EVL: variants seen among roughly 807,000 people sequenced by gnomAD.
EVL encodes the protein ena/VASP-like protein.
Under a neutral mutation model 59.6 loss-of-function variants are expected in EVL, and 21 were observed. The observed-to-expected ratio is 0.35, with a 90% CI of 0.25 to 0.51. EVL has a LOEUF of 0.51. Among genes scored for constraint, EVL ranks in the 20% least tolerant of loss-of-function variants. The pLI is 0.97. For missense variants in EVL, 462 were observed against 546.6 expected, an observed-to-expected ratio of 0.85 and a Z score of 1.54; for synonymous variants, 198 against 203.5, an observed-to-expected ratio of 0.97 and a Z score of 0.23.
Position 100,109,286 on chromosome 14 carries a change from C to G in EVL, c.358+11628C>G, listed in dbSNP as rs1456962948. On this transcript the variant is annotated intron_variant, in intron 3 of 13. Transcript: ENST00000392920. The surrounding 1 kb of genome is among the most constrained non-coding windows in gnomAD (Gnocchi z 4.3). ...AAGGGGCCCCGCCCCTGCCCTCATG[C>G]ATGTTCTCTCCATACTCCTGGTCAC... is the stretch of plus-strand genomic sequence containing the variant. 2 of 337,966 alleles carry G rather than the reference C, an allele frequency of 5.9e-6. No homozygotes were observed. The highest frequency in any genetic ancestry group is 1.6e-4 in the East Asian group (2 of 12,312). 20.9% of individuals were successfully genotyped at this position (337,966 alleles called of 1,614,324 possible).
At chr14:100,105,758 A>G (rs1886524735) in intron 3 of EVL, among the ~76,000 whole-genome samples, 1 of 152,034 alleles carries the variant, frequency 6.6e-6, no homozygotes, top group African/African-American at 2.4e-5. Context: ...TTTGAGACAG[A>G]CAGCCTAGCA....
intron 1 of EVL, among the ~76,000 whole-genome samples, chr14:99,988,443 T>A (rs934961130): frequency 6.6e-6 from 1 of 152,234 alleles, no homozygotes; most frequent in Non-Finnish European, 1.5e-5. Context: ...ACATTGGGAA[T>A]GTGGATAAAC....
intron 1 of EVL, among the ~76,000 whole-genome samples, chr14:100,007,782 A>G (rs930374145): frequency 6.6e-6 from 1 of 152,180 alleles, no homozygotes; most frequent in Admixed American, 6.5e-5. Flanking sequence ...GAGGAGAGAG[A>G]GAGAGAGAGA....
At chr14:100,120,439 T>C (rs1200203823) in intron 3 of EVL, among the ~76,000 whole-genome samples, 1 of 152,128 alleles carries the variant, frequency 6.6e-6, no homozygotes, top group Non-Finnish European at 1.5e-5. Context: ...GCTCCCAAAT[T>C]ACTGGAATAT....
intron 1 of EVL, among the ~76,000 whole-genome samples, chr14:100,010,771 A>G (rs1349743528): frequency 6.6e-6 from 1 of 152,186 alleles, no homozygotes; most frequent in Non-Finnish European, 1.5e-5. Context: ...TATTGGAAAG[A>G]AAAGGGTGAC....
chr14:100,087,563 G>A (rs533417764), intron 2 of EVL, among the ~76,000 whole-genome samples: 9 of 152,320 alleles, frequency 5.9e-5, no homozygotes, highest in East Asian at 1.9e-4. Flanking sequence ...TCAGTAAGCC[G>A]TGGTCGCGCC....
rs2140244576 is a variant in EVL at position 100,049,014 on chromosome 14, G to A, written c.6-35673G>A. On this transcript the variant is annotated intron_variant, in intron 1 of 13. Transcript: ENST00000402714. ...ACTCTTCTGCCTTCTGATTGTGGTG[G>A]TGGTTACACCACCAATCTATGTAGG... Among the ~76,000 whole-genome samples, 4 of 152,244 alleles carry A rather than the reference G, an allele frequency of 2.6e-5. No individual in the cohort carries two copies. In the South Asian group the frequency reaches 8.3e-4, roughly 32 times the overall value.
At chr14:99,989,636 C>T (rs916329719) in intron 1 of EVL, among the ~76,000 whole-genome samples, 1 of 152,134 alleles carries the variant, frequency 6.6e-6, no homozygotes, top group African/African-American at 2.4e-5. Flanking sequence ...TAATATTCGT[C>T]CTGATTGTAG....
intron 1 of EVL, among the ~76,000 whole-genome samples, chr14:99,974,147 A>G (rs558997549): frequency 1.3e-5 from 2 of 152,326 alleles, no homozygotes; most frequent in South Asian, 2.1e-4. Flanking sequence ...TTTAAAGCCT[A>G]TGGTTTAGTG....
intron 1 of EVL, among the ~76,000 whole-genome samples, chr14:100,028,819 C>T (rs899363079): frequency 1.3e-5 from 2 of 152,120 alleles, no homozygotes; most frequent in Non-Finnish European, 2.9e-5. Context: ...CAAAAAAAAT[C>T]TATTCTTCAT....
chr14:100,065,941 T>C (rs1002468584), intron 1 of EVL, among the ~76,000 whole-genome samples: 3 of 152,178 alleles, frequency 2.0e-5, no homozygotes, highest in African/African-American at 7.2e-5. Context: ...CTTTTTATGA[T>C]AGGAACTTCA....
At chr14:100,078,572 A>AG (rs2062217903) in intron 1 of EVL, among the ~76,000 whole-genome samples, 1 of 27,450 alleles carries the variant, frequency 3.6e-5, no homozygotes, top group Non-Finnish European at 7.4e-5. Context: ...GAGTGACGGC[A>AG]GGGTGGGGGT....
intron 1 of EVL, among the ~76,000 whole-genome samples, chr14:99,975,686 A>G (rs989236539): frequency 1.3e-5 from 2 of 152,126 alleles, no homozygotes; most frequent in Admixed American, 6.6e-5. Flanking sequence ...ATGAGAATCT[A>G]ATACTTCAGC....
intron 1 of EVL, among the ~76,000 whole-genome samples, chr14:99,980,761 T>TGCCTATTACCTATGCCTA (rs2060800922): frequency 6.6e-6 from 1 of 152,228 alleles, no homozygotes; most frequent in Non-Finnish European, 1.5e-5. Context: ...TGTCTGCCTG[T>TGCCTATTACCTATGCCTA]TTTTAGGCCT....
At chr14:100,036,100 C>T (rs529418145) in intron 1 of EVL, among the ~76,000 whole-genome samples, 25 of 152,144 alleles carry the variant, frequency 1.6e-4, no homozygotes, top group Non-Finnish European at 2.1e-4. Context: ...CCTGTCAGAT[C>T]GGCAGTGGCA....
At chr14:100,100,784 CAAAAAAAAAAAAAAA>C (rs60820079) in intron 3 of EVL, among the ~76,000 whole-genome samples, 2 of 47,682 alleles carry the variant, frequency 4.2e-5, no homozygotes, top group African/African-American at 1.2e-4. Context: ...GAGTCTGTCT[CAAAAAAAAAAAAAAA>C]AAAAAAAAAA....
At chr14:99,985,057 C>T (rs2060831477) in intron 1 of EVL, among the ~76,000 whole-genome samples, 1 of 151,986 alleles carries the variant, frequency 6.6e-6, no homozygotes, top group Admixed American at 6.6e-5. Flanking sequence ...TCTCTTTAGG[C>T]TCCTCTTGGT....
intron 1 of EVL, among the ~76,000 whole-genome samples, chr14:100,084,403 G>A (rs2062388826): frequency 6.6e-6 from 1 of 152,120 alleles, no homozygotes; most frequent in Non-Finnish European, 1.5e-5. Flanking sequence ...AATTATAATT[G>A]TAATTCCTTT....
At position 100,030,996 on chromosome 14, in the gene EVL, T is replaced by G. The variant is rs578138765; in HGVS notation, c.6-53691T>G. Among the ~76,000 whole-genome samples, 3 of 152,348 alleles carry G rather than the reference T, an allele frequency of 2.0e-5. No individual in the cohort carries two copies. In the East Asian group the frequency reaches 5.8e-4, roughly 29 times the overall value. ...TATGACGTATGAGGTCTCTTCCGTG[T>G]AGGGAAGAGTGAATTACAAGTGAGA... On this transcript the variant is annotated intron_variant, in intron 1 of 13. Transcript: ENST00000402714.
Sources: gnomAD v4.1 joint callset for allele counts (sites outside exome capture counted in the v4.1 genomes callset) on GRCh38, gnomAD v4.1.1 for gene constraint, Gnocchi (gnomAD v3.1) non-coding constraint, MANE v1.5 for transcripts, NCBI Gene and HGNC (gene_info 2026-07-23, HGNC 2026-07-21) for gene names.